SOX5: variants seen among roughly 807,000 people sequenced by gnomAD.
SOX5 encodes the protein transcription factor SOX-5.
Under a neutral mutation model 92.0 loss-of-function variants are expected in SOX5, and 9 were observed. The ratio of observed to expected loss-of-function variants is 0.10; its 90% CI spans 0.06 to 0.17. The LOEUF is 0.17. Among genes scored for constraint, SOX5 ranks in the 10% least tolerant of loss-of-function variants. SOX5 has a pLI of 1.00. For synonymous variants in SOX5, 344 were observed against 336.3 expected (o/e 1.02, Z -0.25); for missense variants, 642 against 944.5 (o/e 0.68, Z 4.20).
At chr12:23,659,418 A>C (rs1331280386) in intron 7 of SOX5, among the ~76,000 whole-genome samples, 1 of 152,230 alleles carries the variant, frequency 6.6e-6, no homozygotes, top group African/African-American at 2.4e-5. Context: ...GCATATTTTA[A>C]GTTTATTAAG....
chr12:23,982,333 G>A (rs533939930), intron 4 of SOX5, among the ~76,000 whole-genome samples: 1 of 152,302 alleles, frequency 6.6e-6, no homozygotes, highest in African/African-American at 2.4e-5. Flanking sequence ...ACATTACAGT[G>A]GGTATAACAT....
At chr12:23,753,360 C>T (rs1430605878) in intron 4 of SOX5, among the ~76,000 whole-genome samples, 3 of 151,658 alleles carry the variant, frequency 2.0e-5, no homozygotes, top group Non-Finnish European at 2.9e-5. Flanking sequence ...CACACGCACA[C>T]ACTTATTCAC....
intron 4 of SOX5, among the ~76,000 whole-genome samples, chr12:24,016,789 G>A (rs775970892): frequency 3.3e-5 from 5 of 152,082 alleles, no homozygotes; most frequent in Non-Finnish European, 7.3e-5. Context: ...AGCCAACAGA[G>A]AAAGAGAGCA....
chr12:24,401,360 A>AC (rs1961549986), intron 1 of SOX5, among the ~76,000 whole-genome samples: 1 of 151,306 alleles, frequency 6.6e-6, no homozygotes, highest in Non-Finnish European at 1.5e-5. Context: ...TCAGGGGAAA[A>AC]AAAAAAAAAA....
chr12:24,278,676 A>C (rs922499552), intron 2 of SOX5, among the ~76,000 whole-genome samples: 1 of 152,150 alleles, frequency 6.6e-6, no homozygotes, highest in Non-Finnish European at 1.5e-5. Context: ...GCGTCACTGC[A>C]CTTCAGCCTG....
chr12:24,343,383 T>C (rs1483363000), intron 2 of SOX5, among the ~76,000 whole-genome samples: 1 of 152,006 alleles, frequency 6.6e-6, no homozygotes, highest in Non-Finnish European at 1.5e-5. Flanking sequence ...CCTTTTCTAT[T>C]GGAACTTCAG....
At chr12:23,808,595 T>C (rs897584008) in intron 3 of SOX5, among the ~76,000 whole-genome samples, 5 of 152,190 alleles carry the variant, frequency 3.3e-5, no homozygotes, top group African/African-American at 1.2e-4. Context: ...AGCATGCATA[T>C]ATACTATAAA....
chr12:24,371,740 C>T (rs1291425003), intron 1 of SOX5, among the ~76,000 whole-genome samples: 2 of 152,224 alleles, frequency 1.3e-5, no homozygotes, highest in Non-Finnish European at 1.5e-5. Context: ...GTAATCTCAA[C>T]ACTTCGGGAG....
intron 1 of SOX5, among the ~76,000 whole-genome samples, chr12:24,558,002 G>GT (rs1200039065): frequency 6.6e-6 from 1 of 152,144 alleles, no homozygotes; most frequent in Admixed American, 6.5e-5. Flanking sequence ...TGCCTATAAG[G>GT]TATGATTTGA....
intron 4 of SOX5, among the ~76,000 whole-genome samples, chr12:24,167,824 G>A (rs7313790): frequency 0.39 from 59,514 of 151,938 alleles, 12,433 homozygotes; most frequent in Non-Finnish European, 0.48. Context: ...CCCCTCAACC[G>A]TCCTATAAGA....
intron 1 of SOX5, among the ~76,000 whole-genome samples, chr12:24,493,249 T>C (rs1395428626): frequency 6.6e-6 from 1 of 152,140 alleles, no homozygotes; most frequent in African/African-American, 2.4e-5. Context: ...TAAAAATCAG[T>C]GTCAACAGTA....
chr12:24,102,148 C>T (rs1236352888), intron 4 of SOX5, among the ~76,000 whole-genome samples: 3 of 152,264 alleles, frequency 2.0e-5, no homozygotes, highest in Admixed American at 6.5e-5. Context: ...TACAATAACA[C>T]TCAGTGCCTT....
intron 4 of SOX5, among the ~76,000 whole-genome samples, chr12:24,000,862 C>T (rs1197316633): frequency 2.0e-5 from 3 of 151,950 alleles, no homozygotes; most frequent in Non-Finnish European, 4.4e-5. Flanking sequence ...AAAGATATAT[C>T]GTGCATACAG....
chr12:24,557,519 G>A (rs1566465458), intron 1 of SOX5, among the ~76,000 whole-genome samples: 1 of 152,066 alleles, frequency 6.6e-6, no homozygotes, highest in Non-Finnish European at 1.5e-5. Context: ...CTACAAATGA[G>A]ATAGCCTTTC....
At chr12:23,993,878 T>G (rs918361806) in intron 4 of SOX5, among the ~76,000 whole-genome samples, 1 of 150,066 alleles carries the variant, frequency 6.7e-6, no homozygotes, top group African/African-American at 2.5e-5. Flanking sequence ...TATGTATGTA[T>G]GTATGTATGT....
chr12:24,339,108 T>C (rs1401760643), intron 2 of SOX5, among the ~76,000 whole-genome samples: 1 of 151,744 alleles, frequency 6.6e-6, no homozygotes, highest in East Asian at 1.9e-4. Context: ...AAACAGACAT[T>C]ATACAAATAA....
At position 23,766,941 on chromosome 12, in the gene SOX5, A is replaced by G. The variant is rs143800242; in HGVS notation, c.482-11217T>C. ...GGGATTATAAATCATGTAACCACAT[A>G]TTAGAAACACACTTGTAATCCCAGC... On this transcript the variant is annotated intron_variant, in intron 3 of 14. Transcript: ENST00000451604. 3.9e-3 allele frequency among the ~76,000 whole-genome samples: 601 copies of G among 152,288 alleles called. 3 individuals carry two copies. The highest frequency in any genetic ancestry group is 6.2e-3 in the Non-Finnish European group (423 of 68,016).
chr12:23,640,757 G>A, intron 8 of SOX5, 55 bp downstream of exon 8: 1 of 1,241,350 alleles, frequency 8.1e-7, no homozygotes. Flanking sequence ...CACCATAATA[G>A]CTGTTTTCGA....
At chr12:23,928,461 A>T (rs142094905) in intron 1 of SOX5, among the ~76,000 whole-genome samples, 141 of 152,186 alleles carry the variant, frequency 9.3e-4, no homozygotes, top group African/African-American at 3.2e-3. Flanking sequence ...TAATGCCTTT[A>T]GTATCATTAG....
Sources: allele counts gnomAD v4.1 joint callset (sites outside exome capture counted in the v4.1 genomes callset), GRCh38; gene constraint gnomAD v4.1.1; transcripts MANE v1.5; gene names NCBI Gene and HGNC (gene_info 2026-07-23, HGNC 2026-07-21).